Variants in SLC20A2 observed in about 807,000 individuals in gnomAD.
The protein encoded by SLC20A2 is solute carrier family 20 member 2, also known as sodium-dependent phosphate transporter 2.
SLC20A2 carries 30 observed loss-of-function variants against 61.0 expected under a neutral mutation model. The ratio of observed to expected loss-of-function variants is 0.49; its 90% CI spans 0.37 to 0.67. The LOEUF is 0.67. SLC20A2 is among the 30% of genes least tolerant of loss of function. The pLI is 0.00. For synonymous variants in SLC20A2, 351 were observed against 353.3 expected, an observed-to-expected ratio of 0.99 and a Z score of 0.07; for missense variants, 626 against 866.4, an observed-to-expected ratio of 0.72 and a Z score of 3.48.
chr8:42,527,918 G>A (rs988522511), intron 1 of SLC20A2, among the ~76,000 whole-genome samples: 3 of 152,240 alleles, frequency 2.0e-5, no homozygotes, highest in African/African-American at 7.2e-5. Context: ...ACATGTGTAT[G>A]TGTCTATACA....
chr8:42,441,306 C>G (rs1051683152), intron 6 of SLC20A2, among the ~76,000 whole-genome samples: 1 of 151,850 alleles, frequency 6.6e-6, no homozygotes, highest in African/African-American at 2.4e-5. Flanking sequence ...AGGCACCCAC[C>G]ACCATACCTG....
intron 1 of SLC20A2, among the ~76,000 whole-genome samples, chr8:42,482,273 C>T (rs555522452): frequency 6.6e-6 from 1 of 152,182 alleles, no homozygotes; most frequent in East Asian, 1.9e-4. Context: ...TTTACATTTA[C>T]AATTCAATGA....
At chr8:42,462,072 G>A (rs1270119427) in intron 4 of SLC20A2, among the ~76,000 whole-genome samples, 2 of 152,134 alleles carry the variant, frequency 1.3e-5, no homozygotes, top group African/African-American at 2.4e-5. Context: ...GGGACCAGGC[G>A]AATCTGGGGG....
chr8:42,456,239 G>A (rs1806189107), intron 5 of SLC20A2, among the ~76,000 whole-genome samples: 2 of 152,158 alleles, frequency 1.3e-5, no homozygotes, highest in Non-Finnish European at 2.9e-5. Flanking sequence ...AAGAAGAATA[G>A]AGGGTAGAAA....
chr8:42,527,177 G>A (rs533813168), intron 1 of SLC20A2, among the ~76,000 whole-genome samples: 20 of 151,090 alleles, frequency 1.3e-4, no homozygotes, highest in Admixed American at 2.6e-4. Flanking sequence ...AGGCGGAGGC[G>A]GGCAGATCAC....
At chr8:42,530,697 C>CT (rs1191780057) in intron 1 of SLC20A2, among the ~76,000 whole-genome samples, 3 of 152,112 alleles carry the variant, frequency 2.0e-5, no homozygotes, top group African/African-American at 4.8e-5. Context: ...GGTGAGGTGA[C>CT]TAACTATAAA....
At chr8:42,430,006 C>T in intron 9 of SLC20A2, 58 bp downstream of exon 9, 2 of 1,471,344 alleles carry the variant, frequency 1.4e-6, no homozygotes, top group South Asian at 1.4e-5. Flanking sequence ...AGCCGGGAAG[C>T]TCTACCCAGG....
intron 5 of SLC20A2, among the ~76,000 whole-genome samples, chr8:42,446,209 T>C (rs1247445920): frequency 4.6e-5 from 7 of 152,234 alleles, no homozygotes; most frequent in Non-Finnish European, 1.0e-4. Context: ...GAAAAACTTT[T>C]CACTCAAATC....
At chr8:42,525,581 C>CAAAAAA (rs34356863) in intron 1 of SLC20A2, among the ~76,000 whole-genome samples, 12 of 68,728 alleles carry the variant, frequency 1.7e-4, no homozygotes, top group East Asian at 4.1e-4. Flanking sequence ...GACTCTGTCT[C>CAAAAAA]AAAAAAAAAA....
Position 42,472,746 on chromosome 8 carries a change from G to A in SLC20A2, c.-264-92C>T, listed in dbSNP as rs1212218429. 4.6e-5 allele frequency: 9 copies of A among 196,074 alleles called. No individual in the cohort carries two copies. The highest frequency in any genetic ancestry group is 2.2e-4 in the Admixed American group (4 of 18,504). 12.1% of individuals were successfully genotyped at this position (196,074 alleles called of 1,614,324 possible). A position where few individuals can be genotyped will look rare whatever the true frequency, so the allele number is the denominator to read the frequency against. ...AAATAAATGTTTTAAGCCTGCTAAT[G>A]GGATCTAACTTTGGCATGTGACGGA... On this transcript the variant is annotated intron_variant, in intron 1 of 10. Transcript: ENST00000520262. The surrounding 1 kb of genome is among the most constrained non-coding windows in gnomAD (Gnocchi z 4.1).
intron 1 of SLC20A2, among the ~76,000 whole-genome samples, chr8:42,495,151 G>A (rs956859577): frequency 1.8e-4 from 27 of 152,066 alleles, no homozygotes; most frequent in Admixed American, 1.5e-3. Context: ...CACTGCGCCC[G>A]GCCACGTCTC....
chr8:42,496,107 C>T (rs1039928402), intron 1 of SLC20A2, among the ~76,000 whole-genome samples: 7 of 152,158 alleles, frequency 4.6e-5, no homozygotes, highest in Non-Finnish European at 1.0e-4. Context: ...TAAGGTAGGG[C>T]GGGTCTTTTT....
At chr8:42,477,671 C>A (rs1444912669) in intron 1 of SLC20A2, among the ~76,000 whole-genome samples, 3 of 151,504 alleles carry the variant, frequency 2.0e-5, no homozygotes, top group African/African-American at 7.3e-5. Context: ...GGGCTTATCA[C>A]CATGTTGGCC....
intron 10 of SLC20A2, among the ~76,000 whole-genome samples, chr8:42,421,319 T>C (rs1223300745): frequency 6.6e-6 from 1 of 152,206 alleles, no homozygotes; most frequent in African/African-American, 2.4e-5. Flanking sequence ...GAACACACCA[T>C]GTGCCTGATG....
intron 4 of SLC20A2, among the ~76,000 whole-genome samples, chr8:42,461,441 T>A (rs1388877366): frequency 1.3e-5 from 2 of 151,712 alleles, no homozygotes; most frequent in East Asian, 3.9e-4. Context: ...TTACCGTATG[T>A]TTTTTCAAAT....
intron 1 of SLC20A2, among the ~76,000 whole-genome samples, chr8:42,527,278 C>T (rs1812028586): frequency 6.6e-6 from 1 of 151,590 alleles, no homozygotes; most frequent in Non-Finnish European, 1.5e-5. Flanking sequence ...GTGGGGTATG[C>T]CTGTAATCTC....
At chr8:42,466,646 T>C (rs960174428) in intron 2 of SLC20A2, among the ~76,000 whole-genome samples, 7 of 152,036 alleles carry the variant, frequency 4.6e-5, no homozygotes, top group African/African-American at 1.7e-4. Flanking sequence ...GAGAGTATAA[T>C]ACCATGTTGC....
At chr8:42,517,423 T>C (rs973133460) in intron 1 of SLC20A2, among the ~76,000 whole-genome samples, 3 of 151,988 alleles carry the variant, frequency 2.0e-5, no homozygotes, top group Non-Finnish European at 2.9e-5. Context: ...AAAAATGTGC[T>C]ATTGATGGGA....
chr8:42,419,570 T>C, intron 10 of SLC20A2: 1 of 230,326 alleles, frequency 4.3e-6, no homozygotes, highest in Non-Finnish European at 7.2e-6. Context: ...AAATAAAAAA[T>C]AAATAAAATA....
Sources: gnomAD v4.1 joint callset for allele counts (sites outside exome capture counted in the v4.1 genomes callset) on GRCh38, gnomAD v4.1.1 for gene constraint, Gnocchi (gnomAD v3.1) non-coding constraint, MANE v1.5 for transcripts, NCBI Gene and HGNC (gene_info 2026-07-23, HGNC 2026-07-21) for gene names.